The following DEPDC4 variants were observed in gnomAD, a reference collection of about 807,000 sequenced individuals.
The protein encoded by DEPDC4 is DEP domain containing 4, also known as DEP domain-containing protein 4.
Under a neutral mutation model 52.0 loss-of-function variants are expected in DEPDC4, and 52 were observed. The observed-to-expected ratio is 1.00, with a 90% CI of 0.80 to 1.26. The LOEUF is 1.26. Ranked by LOEUF, DEPDC4 falls within the 50% of genes most tolerant of loss-of-function variation. The probability of loss-of-function intolerance (pLI) is 0.00; values close to 1 mark genes in which losing one functional copy is unlikely to be tolerated. For missense variants in DEPDC4, 530 were observed against 546.9 expected, an observed-to-expected ratio of 0.97 and a Z score of 0.31; for synonymous variants, 201 against 196.8, an observed-to-expected ratio of 1.02 and a Z score of -0.18.
At chr12:100,246,708 G>A (rs368585985) in intron 8 of DEPDC4, among the ~76,000 whole-genome samples, 128 of 152,234 alleles carry the variant, frequency 8.4e-4, no homozygotes, top group African/African-American at 2.9e-3. Flanking sequence ...AGGCCAAGGC[G>A]GGCGGATCAC....
At chr12:100,255,840 G>A (rs886402520) in intron 4 of DEPDC4, 41 of 347,956 alleles carry the variant, frequency 1.2e-4, no homozygotes, top group East Asian at 3.0e-4. Context: ...AAATGAATTC[G>A]TACGAACCAA....
downstream of DEPDC4, chr12:100,238,223 G>A (rs115288993): frequency 0.023 from 4,092 of 178,530 alleles, 168 homozygotes; most frequent in African/African-American, 0.093. Context: ...CACCCAGGCT[G>A]GAGTGCGATG....
At chr12:100,260,997 A>G (rs536672124) in intron 3 of DEPDC4, among the ~76,000 whole-genome samples, 1 of 152,136 alleles carries the variant, frequency 6.6e-6, no homozygotes, top group East Asian at 1.9e-4. Context: ...CCTGGCCAAC[A>G]TGGTGAAACC....
At chr12:100,269,311 G>A (rs2096284593), upstream of DEPDC4, among the ~76,000 whole-genome samples, 1 of 151,718 alleles carries the variant, frequency 6.6e-6, no homozygotes, top group South Asian at 2.1e-4. Context: ...CCTCTGCTTG[G>A]AAATGCCCTT....
chr12:100,279,217 C>T, the DEPDC4 span, among the ~76,000 whole-genome samples: 1 of 152,218 alleles, frequency 6.6e-6, no homozygotes, highest in Non-Finnish European at 1.5e-5. Flanking sequence ...GATCATCAGG[C>T]ATTAGTTAGA....
At chr12:100,266,891 G>A in intron 1 of DEPDC4, 29 bp downstream of exon 1, 1 of 1,600,490 alleles carries the variant, frequency 6.2e-7, no homozygotes, top group Non-Finnish European at 8.5e-7. Context: ...CACCTTCACT[G>A]CACATTTGGC....
intron 4 of DEPDC4, among the ~76,000 whole-genome samples, chr12:100,254,029 C>T (rs2096220617): frequency 6.6e-6 from 1 of 152,074 alleles, no homozygotes; most frequent in Non-Finnish European, 1.5e-5. Flanking sequence ...CCTTTTCCTG[C>T]TCTGATGAGT....
intron 7 of DEPDC4, among the ~76,000 whole-genome samples, 168 bp downstream of exon 7, chr12:100,252,008 G>A (rs1566315591): frequency 6.6e-6 from 1 of 152,128 alleles, no homozygotes; most frequent in Non-Finnish European, 1.5e-5. Context: ...CCAACAAAAC[G>A]GTTTTAAGTC....
chr12:100,251,899 T>C (rs961717293), intron 7 of DEPDC4, among the ~76,000 whole-genome samples: 1 of 151,770 alleles, frequency 6.6e-6, no homozygotes, highest in Non-Finnish European at 1.5e-5. Flanking sequence ...GGGGTTTTGC[T>C]ATGTTGCCCA....
intron 7 of DEPDC4, among the ~76,000 whole-genome samples, chr12:100,249,449 G>T (rs1473199744): frequency 6.6e-6 from 1 of 152,218 alleles, no homozygotes; most frequent in South Asian, 2.1e-4. Flanking sequence ...AGAAGTTCAA[G>T]ACCAGTCTGG....
At chr12:100,275,537 C>CA in the DEPDC4 span, among the ~76,000 whole-genome samples, 1 of 152,200 alleles carries the variant, frequency 6.6e-6, no homozygotes, top group Non-Finnish European at 1.5e-5. Flanking sequence ...TTGTATTCTA[C>CA]TATATTGCCA....
intron 8 of DEPDC4, among the ~76,000 whole-genome samples, chr12:100,248,313 G>C (rs2096194209): frequency 6.8e-6 from 1 of 147,818 alleles, no homozygotes; most frequent in Non-Finnish European, 1.5e-5. Flanking sequence ...GACTTGCCCA[G>C]ACAATTTGGT....
rs1466221608 is a variant in DEPDC4, at chr12:100,241,622, C to T, written c.*270G>A. ...AAGTATGGCAATTTGAGAAAACCAC[C>T]AGAGAATTGTTTATATTTACAAATT... is the stretch of plus-strand genomic sequence containing the variant. On this transcript the variant is annotated 3_prime_UTR_variant, in exon 10 of 10. Coordinates refer to ENST00000550587, the MANE Select transcript of DEPDC4 (RefSeq NM_001364818.2). The T allele has an allele frequency of 1.9e-6, 2 of 1,055,156 alleles. No individual in the cohort carries two copies. The highest frequency in any genetic ancestry group is 3.4e-5 in the African/African-American group (2 of 58,358). The allele number at this position is 1,055,156 out of a possible 1,614,324, so 65.4% of individuals were successfully genotyped here.
intron 5 of DEPDC4, among the ~76,000 whole-genome samples, chr12:100,253,124 G>A (rs1017480914): frequency 2.0e-5 from 3 of 152,140 alleles, no homozygotes; most frequent in Non-Finnish European, 4.4e-5. Context: ...CACCATGTTG[G>A]CCAGGCTGGT....
the DEPDC4 span, among the ~76,000 whole-genome samples, chr12:100,278,353 C>A: frequency 6.6e-6 from 1 of 152,014 alleles, no homozygotes; most frequent in Non-Finnish European, 1.5e-5. Context: ...TCAGATGACA[C>A]CATACCTGGA....
chr12:100,278,071 A>G, the DEPDC4 span, among the ~76,000 whole-genome samples: 1 of 152,076 alleles, frequency 6.6e-6, no homozygotes, highest in African/African-American at 2.4e-5. Flanking sequence ...AACACAATAC[A>G]TTTTTATTAT....
Position 100,256,230 on chromosome 12 carries a change from G to T in DEPDC4, c.701-4C>A. 6.3e-7 allele frequency: 1 copy of T among 1,597,964 alleles called. No homozygotes were observed. Among genetic ancestry groups the T allele is most frequent in the Non-Finnish European group, 8.6e-7 (1 of 1,168,196 alleles). ...AATGTTTGTTCTTTCCAAACATCTT[G>T]AAAAGGAAAGTAATGCAATGATCAA... is the stretch of plus-strand genomic sequence containing the variant. On this transcript the variant is annotated splice_region_variant and splice_polypyrimidine_tract_variant and intron_variant, in intron 3 of 9. Transcript: ENST00000550587.
rs1341621127 is a variant in DEPDC4, at chr12:100,263,539, T to C, written c.512A>G (p.Lys171Arg). ...CTCATTCTCAGCATCCTTTTGTCTT[T>C]TGCAACAATCGTAAGATGATTTATT... is the stretch of plus-strand genomic sequence containing the variant. Reference protein sequence around the residue: ...LGNKSSYDCCKRQKDAENEFN... With the variant: ...LGNKSSYDCCRRQKDAENEFN... Residue 171 changes from lysine (K) to arginine (R), a missense_variant, in exon 2 of 10, where the codon AAA (lysine) becomes AGA (arginine). Transcript: ENST00000550587. The C allele has an allele frequency of 1.9e-5, 31 of 1,604,688 alleles. No homozygotes were observed. Among genetic ancestry groups the C allele is most frequent in the Non-Finnish European group, 2.5e-5 (29 of 1,176,410 alleles).
chr12:100,256,168 C>T lies in DEPDC4; in HGVS notation c.759G>A (p.Leu253=). 2 of 1,612,786 alleles carry T rather than the reference C, an allele frequency of 1.2e-6. No individual in the cohort carries two copies. The highest frequency in any genetic ancestry group is 1.7e-6 in the Non-Finnish European group (2 of 1,179,216). The change falls in exon 4 of 10, where the codon TTG becomes TTA. Residue 253 remains leucine (L), a synonymous_variant. Coordinates refer to ENST00000550587, the MANE Select transcript of DEPDC4 (RefSeq NM_001364818.2). The part of the protein sequence containing the change: ...CLLQLIHLPF[L]DNILEPPVKT... The stretch of plus-strand genomic sequence containing the variant: ...TAACTGGAGGCTCCAAAATATTGTC[C>T]AAGAATGGAAGGTGAATCAATTGAA...
Sources: allele counts gnomAD v4.1 joint callset (sites outside exome capture counted in the v4.1 genomes callset), GRCh38; gene constraint gnomAD v4.1.1; transcripts MANE v1.5; gene names NCBI Gene and HGNC (gene_info 2026-07-23, HGNC 2026-07-21).